Variants in MDGA1 observed in about 807,000 individuals in gnomAD.
MDGA1 encodes the protein MAM domain-containing glycosylphosphatidylinositol anchor protein 1.
MDGA1 carries 54 observed loss-of-function variants against 101.5 expected under a neutral mutation model. The ratio of observed to expected loss-of-function variants is 0.53; its 90% CI spans 0.43 to 0.67. MDGA1 has a LOEUF of 0.67. Ranked by LOEUF, MDGA1 falls within the 30% of genes least tolerant of loss-of-function variation. The probability of loss-of-function intolerance (pLI) is 0.00; values close to 1 mark genes in which losing one functional copy is unlikely to be tolerated. For missense variants in MDGA1, 1,083 were observed against 1,323.8 expected (o/e 0.82, Z 2.82); for synonymous variants, 533 against 558.3 (o/e 0.95, Z 0.64).
intron 1 of MDGA1, among the ~76,000 whole-genome samples, chr6:37,665,470 C>T (rs958501211): frequency 6.6e-6 from 1 of 152,114 alleles, no homozygotes; most frequent in Non-Finnish European, 1.5e-5. Context: ...TAAGTCACAC[C>T]CCCTGCACTT....
Position 37,649,186 on chromosome 6 carries a change from G to C in MDGA1, c.1690C>G (p.Arg564Gly). 6.7e-7 allele frequency: 1 copy of C among 1,499,236 alleles called. No individual in the cohort carries two copies. The highest frequency in any genetic ancestry group is 8.8e-7 in the Non-Finnish European group (1 of 1,132,808). The allele number at this position is 1,499,236 out of a possible 1,614,324, so 92.9% of individuals were successfully genotyped here. Residue 564 changes from arginine (R) to glycine (G), a missense_variant, in exon 9 of 17, where the codon CGA (arginine) becomes GGA (glycine). Transcript: ENST00000434837. Reference sequence around the variant, plus strand: ...GAGGCGATGCGCTGGGGGCTGCCTCGCAGCAGCGAGCAGCGCAGGAGCACG... The same window carrying C: ...GAGGCGATGCGCTGGGGGCTGCCTCCCAGCAGCGAGCAGCGCAGGAGCACG... Reference protein sequence around the residue: ...RPVLLRCSLLRGSPQRIASAV... With the variant: ...RPVLLRCSLLGGSPQRIASAV...
intron 1 of MDGA1, 105 bp from the exon 2 acceptor site, chr6:37,664,211 C>T: frequency 7.0e-7 from 1 of 1,427,750 alleles, no homozygotes; most frequent in Non-Finnish European, 9.6e-7. Context: ...GCCCAGATCT[C>T]CCCAGGCCAT....
Position 37,652,246 on chromosome 6 carries a change from C to T in MDGA1, c.1077G>A (p.Val359=). The change falls in exon 7 of 17, where the codon GTG becomes GTA. Residue 359 remains valine, a synonymous_variant. Transcript: ENST00000434837. The surrounding 1 kb of genome is among the most constrained non-coding windows in gnomAD (Gnocchi z 4.3). ...TCACCTTCTCCTGGGGCACTGCATC[C>T]ACGTGGCACGATAGCTTCAGGTCCT... The part of the protein sequence containing the change: ...LGQDLKLSCH[V]DAVPQEKVTY... 1 of 1,614,026 alleles carries T rather than the reference C, an allele frequency of 6.2e-7. No homozygotes were observed. Among genetic ancestry groups the T allele is most frequent in the Non-Finnish European group, 8.5e-7 (1 of 1,179,900 alleles).
chr6:37,643,748 C>T, intron 14 of MDGA1, 61 bp downstream of exon 14: 1 of 1,600,160 alleles, frequency 6.2e-7, no homozygotes, highest in Non-Finnish European at 8.5e-7. Context: ...TCCTGTGGAC[C>T]CCACTCCCCT....
Position 37,652,463 on chromosome 6 carries a change from A to T in MDGA1, c.983-123T>A. On this transcript the variant is annotated intron_variant, in intron 6 of 16. Transcript: ENST00000434837. The surrounding 1 kb of genome is among the most constrained non-coding windows in gnomAD (Gnocchi z 4.3). ...GCCCTTCTGGGGATAGGGGGCTACA[A>T]CTCCCCCAGGTGAAACTATCACTTT... 1.6e-6 allele frequency: 1 copy of T among 636,214 alleles called. No homozygotes were observed. The highest frequency in any genetic ancestry group is 2.7e-6 in the Non-Finnish European group (1 of 374,228). The allele number at this position is 636,214 out of a possible 1,614,324, so 39.4% of individuals were successfully genotyped here.
At chr6:37,675,168 T>A (rs909653755) in intron 1 of MDGA1, among the ~76,000 whole-genome samples, 3 of 152,186 alleles carry the variant, frequency 2.0e-5, no homozygotes, top group Non-Finnish European at 4.4e-5. Flanking sequence ...AGGCTTTAAA[T>A]GCAAATCTGA....
At chr6:37,688,824 G>A (rs774305114) in intron 1 of MDGA1, among the ~76,000 whole-genome samples, 5 of 152,178 alleles carry the variant, frequency 3.3e-5, no homozygotes, top group Non-Finnish European at 7.3e-5. Context: ...TCAGAGAGGC[G>A]AGGCCATTGG....
In MDGA1 at chr6:37,677,464, AC is replaced by A. The variant is rs199892435; in HGVS notation, c.68-13359del. Among the ~76,000 whole-genome samples, 240 of 152,300 alleles carry A rather than the reference AC, an allele frequency of 1.6e-3. 1 individual carries two copies. Among genetic ancestry groups the A allele is most frequent in the Admixed American group, 9.0e-3 (137 of 15,298 alleles). Reference sequence around the variant, plus strand: ...AATGCTCGGCAGCAGAGAAATGGTGACCCGAACTCCAGCACATCGATGCAGG... The same window carrying A: ...AATGCTCGGCAGCAGAGAAATGGTGACCGAACTCCAGCACATCGATGCAGG... On this transcript the variant is annotated intron_variant, in intron 1 of 16. Transcript: ENST00000434837.
Position 37,655,821 on chromosome 6 carries a change from A to G in MDGA1, c.458T>C (p.Val153Ala). 1 of 1,613,694 alleles carries G rather than the reference A, an allele frequency of 6.2e-7. No individual in the cohort carries two copies. The highest frequency in any genetic ancestry group is 8.5e-7 in the Non-Finnish European group (1 of 1,179,768). The stretch of plus-strand genomic sequence containing the variant: ...GGAGTTGACAGTACAGCGCAGGAAC[A>G]CCGTCTTCTCCTGGTAGAAGTTGCC... Reference protein sequence around the residue: ...VRGNFYQEKTVFLRCTVNSNP... With the variant: ...VRGNFYQEKTAFLRCTVNSNP... The change falls in exon 4 of 17, where the codon GTG becomes GCG. Residue 153 changes from valine (V) to alanine (A), a missense_variant. Val to Ala is a moderately conservative substitution (Grantham distance 64, BLOSUM62 0). This residue lies in a region of MDGA1 where 310 missense variants were observed against 355.9 expected (regional missense o/e 0.87). Coordinates refer to ENST00000434837, the MANE Select transcript of MDGA1 (RefSeq NM_153487.4). This position sits in a 1 kb window ranked among gnomAD's most constrained non-coding sequence, Gnocchi z 5.1.
intron 10 of MDGA1, among the ~76,000 whole-genome samples, chr6:37,646,804 T>C (rs1761211225): frequency 6.6e-6 from 1 of 152,116 alleles, no homozygotes; most frequent in Admixed American, 6.5e-5. Context: ...TGGCTTTGCA[T>C]GGTGGAGACC....
chr6:37,673,928 C>T (rs1761923917), intron 1 of MDGA1, among the ~76,000 whole-genome samples: 1 of 152,188 alleles, frequency 6.6e-6, no homozygotes, highest in Admixed American at 6.6e-5. Context: ...TCCCATCCTC[C>T]CTCTCGCTCC....
At chr6:37,644,316 C>T (rs969330168) in intron 13 of MDGA1, among the ~76,000 whole-genome samples, 181 bp downstream of exon 13, 1 of 151,998 alleles carries the variant, frequency 6.6e-6, no homozygotes, top group Non-Finnish European at 1.5e-5. Context: ...CTGTGTCTCA[C>T]CTCAGACTAG....
At position 37,643,888 on chromosome 6, in the gene MDGA1, C is replaced by T. The variant is rs1438134024; in HGVS notation, c.2457G>A (p.Arg819=). ...SRPRELGDRA[R]LVSPLYNASA... ...TGGCATTGTAGAGGGGACTCACTAA[C>T]CTTGCACGGTCCCCCAGCTCCCGAG... The change falls in exon 14 of 17, where the codon AGG becomes AGA. Residue 819 remains arginine, a synonymous_variant. Coordinates refer to ENST00000434837, the MANE Select transcript of MDGA1 (RefSeq NM_153487.4). The T allele has an allele frequency of 1.9e-6, 3 of 1,613,978 alleles. No individual in the cohort carries two copies. The highest frequency in any genetic ancestry group is 2.2e-5 in the South Asian group (2 of 91,084).
Position 37,650,156 on chromosome 6 carries a change from C to T in MDGA1, c.1562G>A (p.Gly521Asp). 6.2e-7 allele frequency: 1 copy of T among 1,610,538 alleles called. No individual in the cohort carries two copies. Among genetic ancestry groups the T allele is most frequent in the Non-Finnish European group, 8.5e-7 (1 of 1,177,326 alleles). Reference protein sequence around the residue: ...TYRCQTARYNGFNVRPREAQV... With the variant: ...TYRCQTARYNDFNVRPREAQV... ...GGCCTCACGGGGGCGCACGTTGAAG[C>T]CATTATAGCGGGCCGTCTGGCAGCG... Residue 521 changes from glycine (G) to aspartate (D), a missense_variant, in exon 8 of 17, where the codon GGC (glycine) becomes GAC (aspartate). This residue lies in a region of MDGA1 where 657 missense variants were observed against 771.4 expected (regional missense o/e 0.85). Coordinates refer to ENST00000434837, the MANE Select transcript of MDGA1 (RefSeq NM_153487.4).
chr6:37,638,184 C>A lies in MDGA1; in HGVS notation c.2776+21G>T, dbSNP rs754075234. The A allele has an allele frequency of 2.5e-6, 4 of 1,603,458 alleles. No individual in the cohort carries two copies. Among genetic ancestry groups the A allele is most frequent in the Middle Eastern group, 1.7e-4 (1 of 6,058 alleles). On this transcript the variant is annotated intron_variant, in intron 16 of 16. Coordinates refer to ENST00000434837, the MANE Select transcript of MDGA1 (RefSeq NM_153487.4). This position sits in a 1 kb window ranked among gnomAD's most constrained non-coding sequence, Gnocchi z 4.8. ...CAGCTCCCTCCAGATTCAGCTCCCC[C>A]ACCTCCTTCCCGTCTTGCACCTTTA...
At chr6:37,666,318 C>A (rs1325576902) in intron 1 of MDGA1, among the ~76,000 whole-genome samples, 2 of 149,300 alleles carry the variant, frequency 1.3e-5, no homozygotes, top group South Asian at 4.2e-4. Flanking sequence ...AGAGATCGAG[C>A]CACTGCACTC....
chr6:37,689,333 G>A (rs1762260945), intron 1 of MDGA1, among the ~76,000 whole-genome samples: 2 of 152,112 alleles, frequency 1.3e-5, no homozygotes, highest in South Asian at 2.1e-4. Context: ...CCTCTCCTGA[G>A]TTGATCTCTC....
At chr6:37,660,887 T>C (rs1761608532) in intron 2 of MDGA1, among the ~76,000 whole-genome samples, 1 of 152,210 alleles carries the variant, frequency 6.6e-6, no homozygotes, top group Non-Finnish European at 1.5e-5. Context: ...ATTCACTACT[T>C]GGGTATAGGT....
At chr6:37,650,899 T>C (rs564500633) in intron 7 of MDGA1, among the ~76,000 whole-genome samples, 16 of 152,360 alleles carry the variant, frequency 1.1e-4, no homozygotes, top group Admixed American at 9.1e-4. Flanking sequence ...TCTCCCAGCC[T>C]GCATTATCGT....
Sources: gnomAD v4.1 joint callset for allele counts (sites outside exome capture counted in the v4.1 genomes callset) on GRCh38, gnomAD v4.1.1 for gene constraint, gnomAD v4.1.1 regional missense constraint, Gnocchi (gnomAD v3.1) non-coding constraint, MANE v1.5 for transcripts, NCBI Gene and HGNC (gene_info 2026-07-23, HGNC 2026-07-21) for gene names.